Variants in PCDHA7 observed in about 807,000 individuals in gnomAD.
PCDHA7 encodes the protein protocadherin alpha-7.
A neutral mutation model predicts 57.2 loss-of-function variants in PCDHA7; 37 were observed. The observed-to-expected ratio is 0.65, with a 90% CI of 0.50 to 0.85. The LOEUF is 0.85. Among genes scored for constraint, PCDHA7 ranks in the 40% least tolerant of loss-of-function variants. The pLI is 0.00. For missense variants in PCDHA7, 1,188 were observed against 1,241.8 expected, an observed-to-expected ratio of 0.96 and a Z score of 0.65; for synonymous variants, 553 against 558.8, an observed-to-expected ratio of 0.99 and a Z score of 0.15.
intron 3 of PCDHA7, among the ~76,000 whole-genome samples, chr5:140,996,530 T>C (rs1423892657): frequency 6.6e-6 from 1 of 152,210 alleles, no homozygotes; most frequent in East Asian, 1.9e-4. Flanking sequence ...AGGCCCTGTG[T>C]GTTTTGATAT....
intron 3 of PCDHA7, among the ~76,000 whole-genome samples, chr5:140,982,966 G>A (rs1407279371): frequency 6.6e-6 from 1 of 151,986 alleles, no homozygotes; most frequent in African/African-American, 2.4e-5. Flanking sequence ...CCCACCCAAA[G>A]TAGTAAGGAA....
chr5:140,883,962 T>G, intron 1 of PCDHA7: 3 of 1,613,126 alleles, frequency 1.9e-6, no homozygotes, highest in Non-Finnish European at 2.5e-6. Context: ...GCTCCGGCGC[T>G]GCTGACGCCC....
chr5:141,007,393 T>C (rs1485010105), intron 3 of PCDHA7, among the ~76,000 whole-genome samples: 2 of 23,410 alleles, frequency 8.5e-5, no homozygotes, highest in African/African-American at 2.3e-4. Context: ...TCTACTAAAA[T>C]ACAAAAAAAA....
chr5:140,836,500 C>G lies in PCDHA7; in HGVS notation c.2117C>G (p.Ala706Gly). 6.2e-7 allele frequency: 1 copy of G among 1,613,882 alleles called. No individual in the cohort carries two copies. Among genetic ancestry groups the G allele is most frequent in the Non-Finnish European group, 8.5e-7 (1 of 1,179,878 alleles). ...VNVYLIIAICAVSSLLVLTLL... is the reference protein window; with the variant it reads ...VNVYLIIAICGVSSLLVLTLL... ...GTGTACCTGATCATCGCCATCTGCGCGGTGTCCAGTCTGTTGGTGCTTACC... is the reference window on the plus strand; with the variant it reads ...GTGTACCTGATCATCGCCATCTGCGGGGTGTCCAGTCTGTTGGTGCTTACC... Residue 706 changes from alanine (A) to glycine (G), a missense_variant, in exon 1 of 4, where the codon GCG (alanine) becomes GGG (glycine). Transcript: ENST00000525929.
intron 1 of PCDHA7, among the ~76,000 whole-genome samples, chr5:140,891,310 G>A (rs1361380938): frequency 6.6e-6 from 1 of 152,030 alleles, no homozygotes; most frequent in Non-Finnish European, 1.5e-5. Flanking sequence ...GATTACATGA[G>A]TAAGTTCTTT....
At position 140,849,867 on chromosome 5, in the gene PCDHA7, T is replaced by C. The variant is rs2150454998; in HGVS notation, c.2355+13129T>C. On this transcript the variant is annotated intron_variant, in intron 1 of 3. Coordinates refer to ENST00000525929, the MANE Select transcript of PCDHA7 (RefSeq NM_018910.3). ...CGACAACGCACCAGCGTTCGCGCAG[T>C]CCGAGTACACGGTGTTCGTGAAGGA... The C allele has an allele frequency of 6.1e-5, 97 of 1,598,416 alleles. 5 individuals carry two copies. Among genetic ancestry groups the C allele is most frequent in the Non-Finnish European group, 6.9e-5 (81 of 1,167,974 alleles).
rs1207415477 is a variant in PCDHA7 at position 140,980,276 on chromosome 5, T to C, written c.2414+1269T>C. 1.3e-5 allele frequency among the ~76,000 whole-genome samples: 2 copies of C among 152,224 alleles called. 1 individual carries two copies. The highest frequency in any genetic ancestry group is 2.9e-5 in the Non-Finnish European group (2 of 68,040). On this transcript the variant is annotated intron_variant, in intron 2 of 3. Transcript: ENST00000525929. ...AAAGCATGGTTTACAGTACCAACTC[T>C]TGAAAAGTACCAAAGCTATGAGTTG... is the stretch of plus-strand genomic sequence containing the variant.
rs2045092638 is a variant in PCDHA7, at chr5:140,858,000, A to G, written c.2355+21262A>G. The stretch of plus-strand genomic sequence containing the variant: ...CGCCAGCGCCTACTGGTGCTGGTGA[A>G]GGACCATGGCGAGCCGTCGCTGACG... On this transcript the variant is annotated intron_variant, in intron 1 of 3. Coordinates refer to ENST00000525929, the MANE Select transcript of PCDHA7 (RefSeq NM_018910.3). 1.0e-5 allele frequency: 16 copies of G among 1,596,802 alleles called. 2 individuals carry two copies. Among genetic ancestry groups the G allele is most frequent in the Non-Finnish European group, 1.4e-5 (16 of 1,167,152 alleles).
intron 1 of PCDHA7, among the ~76,000 whole-genome samples, chr5:140,953,052 C>T (rs2094839858): frequency 6.6e-6 from 1 of 152,206 alleles, no homozygotes; most frequent in Non-Finnish European, 1.5e-5. Flanking sequence ...ATCCAATCAC[C>T]TCTCACAGGC....
At chr5:140,974,379 T>G (rs2096625482) in intron 1 of PCDHA7, among the ~76,000 whole-genome samples, 1 of 152,250 alleles carries the variant, frequency 6.6e-6, no homozygotes, top group South Asian at 2.1e-4. Flanking sequence ...TCTGTTGTAC[T>G]GGAACCCATT....
chr5:140,957,133 A>G (rs1308855631), intron 1 of PCDHA7, among the ~76,000 whole-genome samples: 4 of 152,222 alleles, frequency 2.6e-5, no homozygotes, highest in African/African-American at 9.6e-5. Context: ...TTACTACACT[A>G]TGAACTAAAA....
At chr5:140,889,042 A>G (rs1395605890) in intron 1 of PCDHA7, among the ~76,000 whole-genome samples, 1 of 152,046 alleles carries the variant, frequency 6.6e-6, no homozygotes, top group African/African-American at 2.4e-5. Context: ...ATTTGATTAT[A>G]ATTTATAATC....
At chr5:140,973,492 T>C (rs2096590680) in intron 1 of PCDHA7, among the ~76,000 whole-genome samples, 1 of 152,192 alleles carries the variant, frequency 6.6e-6, no homozygotes, top group African/African-American at 2.4e-5. Context: ...GTCACAGGAC[T>C]CTTCTTCTGA....
chr5:140,868,356 T>A (rs1465427202), intron 1 of PCDHA7: 1 of 152,118 alleles, frequency 6.6e-6, no homozygotes, highest in Non-Finnish European at 1.5e-5. Flanking sequence ...AGAAAGCAAT[T>A]AAATGTAAAT....
Position 140,876,990 on chromosome 5 carries a change from C to T in PCDHA7, c.2355+40252C>T, listed in dbSNP as rs374520504. The T allele has an allele frequency of 2.2e-5, 35 of 1,612,500 alleles. No individual in the cohort carries two copies. In the South Asian group the frequency reaches 2.9e-4, roughly 13 times the overall value. On this transcript the variant is annotated intron_variant, in intron 1 of 3. Coordinates refer to ENST00000525929, the MANE Select transcript of PCDHA7 (RefSeq NM_018910.3). ...GGGTGGGCGAGCACGCACTGTCGAG[C>T]TACGTGTCGGTGCACGCGGAGAGCG... is the stretch of plus-strand genomic sequence containing the variant.
At chr5:140,899,217 C>T (rs1467184800) in intron 1 of PCDHA7, among the ~76,000 whole-genome samples, 1 of 152,040 alleles carries the variant, frequency 6.6e-6, no homozygotes, top group Non-Finnish European at 1.5e-5. Flanking sequence ...GCCAGAACTT[C>T]CAACACTATG....
intron 1 of PCDHA7, chr5:140,929,103 G>A: frequency 6.2e-7 from 1 of 1,614,180 alleles, no homozygotes; most frequent in African/African-American, 1.3e-5. Flanking sequence ...ATCCTTGCAT[G>A]ACATCAGCCA....
chr5:140,871,493 A>C lies in PCDHA7; in HGVS notation c.2355+34755A>C, dbSNP rs968230550. 1.9e-6 allele frequency: 3 copies of C among 1,588,916 alleles called. No individual in the cohort carries two copies. In the African/African-American group the frequency reaches 4.0e-5, roughly 21 times the overall value. On this transcript the variant is annotated intron_variant, in intron 1 of 3. Coordinates refer to ENST00000525929, the MANE Select transcript of PCDHA7 (RefSeq NM_018910.3). Reference sequence around the variant, plus strand: ...GAGCCAGGGTCAAATCACCCCGGACAGGTGAGTTTTCTACAGATTCCACCT... The same window carrying C: ...GAGCCAGGGTCAAATCACCCCGGACCGGTGAGTTTTCTACAGATTCCACCT...
chr5:140,921,940 C>T (rs114983283), intron 1 of PCDHA7, among the ~76,000 whole-genome samples: 6,108 of 151,846 alleles, frequency 0.04, 136 homozygotes, highest in Non-Finnish European at 0.052. Context: ...TATAATTTTA[C>T]ACTTGTAAAA....
Sources: allele counts gnomAD v4.1 joint callset (sites outside exome capture counted in the v4.1 genomes callset), GRCh38; gene constraint gnomAD v4.1.1; transcripts MANE v1.5; gene names NCBI Gene and HGNC (gene_info 2026-07-23, HGNC 2026-07-21).